KCNH1: variants seen among roughly 807,000 people sequenced by gnomAD.
KCNH1 encodes potassium voltage-gated channel subfamily H member 1.
KCNH1 carries 27 observed loss-of-function variants against 69.2 expected under a neutral mutation model. That is an observed-to-expected ratio of 0.39 (90% CI 0.29 to 0.54). The LOEUF (loss-of-function observed/expected upper bound fraction) is 0.54. Ranked by LOEUF, KCNH1 falls within the 20% of genes least tolerant of loss-of-function variation. The pLI, the probability that KCNH1 is intolerant of heterozygous loss-of-function variation, is 0.68. For missense variants in KCNH1, 798 were observed against 1,261.6 expected (o/e 0.63, Z 5.57); for synonymous variants, 456 against 487.7 (o/e 0.93, Z 0.86).
chr1:211,083,007 T>C (rs1261847010), intron 4 of KCNH1, 109 bp from the exon 5 acceptor site: 13 of 833,690 alleles, frequency 1.6e-5, no homozygotes, highest in Non-Finnish European at 2.3e-5. Context: ...AATGCCCTCC[T>C]AAGCTCCCAT....
intron 5 of KCNH1, among the ~76,000 whole-genome samples, chr1:211,076,674 A>C (rs1226917525): frequency 6.6e-6 from 1 of 152,248 alleles, no homozygotes; most frequent in African/African-American, 2.4e-5. Context: ...GGAAAGCTGA[A>C]AATTCCAAAA....
At chr1:210,948,993 T>C (rs930536070) in intron 6 of KCNH1, among the ~76,000 whole-genome samples, 2 of 152,176 alleles carry the variant, frequency 1.3e-5, no homozygotes, top group Non-Finnish European at 2.9e-5. Flanking sequence ...TTCAAAAAAG[T>C]AAAAACCATT....
intron 4 of KCNH1, among the ~76,000 whole-genome samples, chr1:211,084,605 G>A (rs959367601): frequency 6.6e-6 from 1 of 152,216 alleles, no homozygotes; most frequent in African/African-American, 2.4e-5. Flanking sequence ...AAAAGAGTGG[G>A]TTCTCAGCTG....
intron 1 of KCNH1, chr1:211,132,570 G>A (rs1264383608): frequency 6.6e-6 from 1 of 152,180 alleles, no homozygotes; most frequent in Non-Finnish European, 1.5e-5. Flanking sequence ...TTCATTATAA[G>A]ATAAACTTAA....
intron 8 of KCNH1, among the ~76,000 whole-genome samples, chr1:210,803,691 G>C (rs1684473477): frequency 6.6e-6 from 1 of 152,134 alleles, no homozygotes; most frequent in African/African-American, 2.4e-5. Flanking sequence ...ATCCAAGTTT[G>C]GGAAATTCTA....
At chr1:210,830,858 A>T (rs1185548658) in intron 7 of KCNH1, among the ~76,000 whole-genome samples, 1 of 151,918 alleles carries the variant, frequency 6.6e-6, no homozygotes, top group Non-Finnish European at 1.5e-5. Flanking sequence ...CCATTTAAAA[A>T]CTCTAAAAGA....
chr1:210,921,003 C>T (rs1026042401), intron 6 of KCNH1, among the ~76,000 whole-genome samples: 3 of 152,176 alleles, frequency 2.0e-5, no homozygotes, highest in African/African-American at 7.2e-5. Context: ...AAAAAACACT[C>T]GAGTACAAAC....
rs577442575 is a variant in KCNH1 at position 210,682,874 on chromosome 1, G to T, written c.*407C>A. On this transcript the variant is annotated 3_prime_UTR_variant, in exon 11 of 11. Transcript: ENST00000271751. ...CTTGGCCCACTGCAGTCCATGGGGG[G>T]TCTTGGCAAAGGAGCCCAGCATAGT... 1 of 180,722 alleles carries T rather than the reference G, an allele frequency of 5.5e-6. No homozygotes were observed. The highest frequency in any genetic ancestry group is 1.2e-5 in the Non-Finnish European group (1 of 85,306). 11.2% of individuals were successfully genotyped at this position (180,722 alleles called of 1,614,324 possible). A position where few individuals can be genotyped will look rare whatever the true frequency, so the allele number is the denominator to read the frequency against.
rs1690148905 is a variant in KCNH1 at position 211,049,234 on chromosome 1, AT to A, written c.559-29979del. Among the ~76,000 whole-genome samples the A allele has an allele frequency of 4.6e-5, 7 of 152,350 alleles. No homozygotes were observed. In the South Asian group the frequency reaches 1.4e-3, roughly 32 times the overall value. On this transcript the variant is annotated intron_variant, in intron 5 of 10. Transcript: ENST00000271751. ...ATGCAACAAGTGGTAGGAAATGCAT[AT>A]GTAAAAGTACTTTAACAACAAGGGA...
At chr1:210,793,331 T>G (rs1032838508) in intron 9 of KCNH1, among the ~76,000 whole-genome samples, 6 of 152,226 alleles carry the variant, frequency 3.9e-5, no homozygotes, top group Non-Finnish European at 8.8e-5. Flanking sequence ...GATGGTCATT[T>G]TTTTAATGAA....
At chr1:210,745,289 G>T (rs1241789867) in intron 10 of KCNH1, among the ~76,000 whole-genome samples, 1 of 152,120 alleles carries the variant, frequency 6.6e-6, no homozygotes, top group East Asian at 1.9e-4. Flanking sequence ...AACCTGGATT[G>T]GGAGCATGAG....
chr1:210,984,388 C>T (rs1244659803), intron 6 of KCNH1, among the ~76,000 whole-genome samples: 2 of 152,134 alleles, frequency 1.3e-5, no homozygotes, highest in Non-Finnish European at 2.9e-5. Context: ...TTTGTCCATT[C>T]AGTATGATAT....
intron 10 of KCNH1, among the ~76,000 whole-genome samples, chr1:210,755,023 A>G (rs925158336): frequency 6.6e-6 from 1 of 152,314 alleles, no homozygotes; most frequent in South Asian, 2.1e-4. Flanking sequence ...CTGCTTCTGC[A>G]GAAGGAGACA....
intron 7 of KCNH1, chr1:210,859,918 C>G: frequency 3.5e-6 from 5 of 1,425,480 alleles, no homozygotes; most frequent in Non-Finnish European, 5.0e-6. Flanking sequence ...TAATGTAAAG[C>G]TGCAATTGCA....
At chr1:210,992,521 C>G (rs893819863) in intron 6 of KCNH1, among the ~76,000 whole-genome samples, 1 of 152,182 alleles carries the variant, frequency 6.6e-6, no homozygotes, top group African/African-American at 2.4e-5. Context: ...ATATCTTTCC[C>G]AAAGACACAA....
chr1:210,814,544 G>A (rs1480953305), intron 7 of KCNH1, among the ~76,000 whole-genome samples: 2 of 152,156 alleles, frequency 1.3e-5, no homozygotes, highest in African/African-American at 4.8e-5. Context: ...GCATGGTATA[G>A]TAAAAATAAC....
intron 7 of KCNH1, among the ~76,000 whole-genome samples, chr1:210,812,806 G>A (rs1362190316): frequency 6.6e-6 from 1 of 152,148 alleles, no homozygotes; most frequent in Non-Finnish European, 1.5e-5. Context: ...TAAATTTTCT[G>A]CTTTCTATGT....
intron 7 of KCNH1, among the ~76,000 whole-genome samples, chr1:210,892,230 C>A (rs1472142665): frequency 1.3e-5 from 2 of 150,680 alleles, no homozygotes; most frequent in African/African-American, 4.9e-5. Flanking sequence ...AAAAAAAAAA[C>A]AACCCTTATA....
intron 6 of KCNH1, among the ~76,000 whole-genome samples, chr1:210,934,743 G>A (rs958873941): frequency 4.6e-5 from 7 of 151,832 alleles, no homozygotes; most frequent in Non-Finnish European, 1.0e-4. Flanking sequence ...ATACCATCTC[G>A]TTGCAGTTAG....
Sources: allele counts gnomAD v4.1 joint callset (sites outside exome capture counted in the v4.1 genomes callset), GRCh38; gene constraint gnomAD v4.1.1; transcripts MANE v1.5; gene names NCBI Gene and HGNC (gene_info 2026-07-23, HGNC 2026-07-21).